Variants in CLIC5 observed in about 807,000 individuals in gnomAD.
CLIC5 encodes CLIC family member 5.
Under a neutral mutation model 24.7 loss-of-function variants are expected in CLIC5, and 20 were observed. The ratio of observed to expected loss-of-function variants is 0.81; its 90% CI spans 0.57 to 1.18. CLIC5 has a LOEUF of 1.18. CLIC5 is among the 50% of genes most tolerant of loss of function. The pLI is 0.00. For synonymous variants in CLIC5, 159 were observed against 135.6 expected, an observed-to-expected ratio of 1.17 and a Z score of -1.20; for missense variants, 341 against 326.1, an observed-to-expected ratio of 1.05 and a Z score of -0.35.
intron 1 of CLIC5, among the ~76,000 whole-genome samples, chr6:46,005,384 C>T (rs955721011): frequency 2.6e-5 from 4 of 152,216 alleles, no homozygotes; most frequent in Non-Finnish European, 4.4e-5. Context: ...AAAACTTCTA[C>T]ACACCAAAGC....
chr6:45,930,082 G>A (rs1391982715), intron 4 of CLIC5, among the ~76,000 whole-genome samples: 6 of 152,072 alleles, frequency 3.9e-5, no homozygotes, highest in Admixed American at 6.6e-5. Context: ...TTTTTTAAAC[G>A]TGGCTCACCA....
At chr6:46,122,002 T>A in the CLIC5 span, among the ~76,000 whole-genome samples, 9 of 152,126 alleles carry the variant, frequency 5.9e-5, no homozygotes, top group African/African-American at 2.2e-4. Context: ...CACCCCACTG[T>A]CAACATTAGA....
intron 2 of CLIC5, among the ~76,000 whole-genome samples, chr6:45,950,772 T>A (rs1764444409): frequency 6.6e-6 from 1 of 152,152 alleles, no homozygotes; most frequent in African/African-American, 2.4e-5. Context: ...ATAGTCTACC[T>A]TTCACAGTAT....
At chr6:46,066,847 G>A (rs1026165736) in intron 1 of CLIC5, among the ~76,000 whole-genome samples, 4 of 152,142 alleles carry the variant, frequency 2.6e-5, no homozygotes, top group Non-Finnish European at 4.4e-5. Flanking sequence ...ACCAGATGAA[G>A]GAGAGGAGAA....
chr6:46,034,267 A>G (rs1229031893), intron 1 of CLIC5, among the ~76,000 whole-genome samples: 1 of 152,248 alleles, frequency 6.6e-6, no homozygotes, highest in East Asian at 1.9e-4. Flanking sequence ...CACCAGGACT[A>G]TCTTGAAAGT....
At chr6:46,063,545 C>CAG (rs958131503) in intron 1 of CLIC5, among the ~76,000 whole-genome samples, 3 of 152,156 alleles carry the variant, frequency 2.0e-5, no homozygotes, top group East Asian at 1.9e-4. Context: ...CAGTTCCTAA[C>CAG]AGAGAGAGAG....
chr6:45,949,559 G>A (rs1304572684), intron 2 of CLIC5, among the ~76,000 whole-genome samples, 178 bp from the exon 3 acceptor site: 1 of 152,186 alleles, frequency 6.6e-6, no homozygotes, highest in East Asian at 1.9e-4. Context: ...AAAGAATGTG[G>A]TGTGACCCAG....
chr6:46,117,573 G>T, the CLIC5 span, among the ~76,000 whole-genome samples: 6 of 152,166 alleles, frequency 3.9e-5, no homozygotes, highest in African/African-American at 1.4e-4. Context: ...TGAATAAAAA[G>T]AATTCTTTTA....
intron 5 of CLIC5, among the ~76,000 whole-genome samples, chr6:45,904,539 G>A (rs1325446744): frequency 6.6e-6 from 1 of 150,734 alleles, no homozygotes; most frequent in Non-Finnish European, 1.5e-5. Context: ...CTGTGCACTA[G>A]GGCCTGCACA....
chr6:45,972,296 C>T (rs1022870670), intron 1 of CLIC5, among the ~76,000 whole-genome samples: 1 of 152,176 alleles, frequency 6.6e-6, no homozygotes, highest in African/African-American at 2.4e-5. Flanking sequence ...ATAACAGCTG[C>T]CCACCTACTT....
At chr6:45,912,208 G>A (rs1019194218) in intron 5 of CLIC5, 1 of 987,610 alleles carries the variant, frequency 1.0e-6, no homozygotes, top group Non-Finnish European at 1.2e-6. Context: ...GTGAACTTTA[G>A]AGGTTTGCCA....
At chr6:46,065,904 G>T (rs1174955540) in intron 1 of CLIC5, among the ~76,000 whole-genome samples, 2 of 152,112 alleles carry the variant, frequency 1.3e-5, no homozygotes, top group Admixed American at 1.3e-4. Context: ...GACTTTTAAT[G>T]TATGTAAATT....
chr6:45,976,656 A>G (rs1765394528), intron 1 of CLIC5, among the ~76,000 whole-genome samples: 1 of 152,224 alleles, frequency 6.6e-6, no homozygotes, highest in South Asian at 2.1e-4. Context: ...AAAATGTCAA[A>G]TAACCCCTTC....
chr6:45,955,193 A>G lies in CLIC5; in HGVS notation c.115T>C (p.Phe39Leu). The change falls in exon 2 of 6, where the codon TTC (phenylalanine) becomes CTC (leucine). Residue 39 changes from phenylalanine (F) to leucine (L), a missense_variant. Phe to Leu is a conservative substitution (Grantham distance 22). Coordinates refer to ENST00000339561, the MANE Select transcript of CLIC5 (RefSeq NM_016929.5). ...IGNCPFSQRL[F>L]MILWLKGVVF... ...ACTCCTTTCAGCCAGAGGATCATGAAGAGGCGCTGAGAGAAAGGACAGTTG... is the reference window on the plus strand; with the variant it reads ...ACTCCTTTCAGCCAGAGGATCATGAGGAGGCGCTGAGAGAAAGGACAGTTG... 1 of 1,614,060 alleles carries G rather than the reference A, an allele frequency of 6.2e-7. No individual in the cohort carries two copies. Among genetic ancestry groups the G allele is most frequent in the Non-Finnish European group, 8.5e-7 (1 of 1,179,912 alleles).
At chr6:46,067,014 T>C (rs779920372) in intron 1 of CLIC5, among the ~76,000 whole-genome samples, 12 of 152,108 alleles carry the variant, frequency 7.9e-5, no homozygotes, top group Non-Finnish European at 1.5e-4. Flanking sequence ...GGGCAGAACA[T>C]GCAAAGGCTT....
At chr6:46,090,658 T>C in the CLIC5 span, among the ~76,000 whole-genome samples, 2 of 152,250 alleles carry the variant, frequency 1.3e-5, no homozygotes, top group South Asian at 2.1e-4. Context: ...TGTGGAATAG[T>C]CAAATCAAGC....
chr6:45,891,493 G>T (rs141943996), intron 6 of CLIC5, among the ~76,000 whole-genome samples: 1 of 151,878 alleles, frequency 6.6e-6, no homozygotes, highest in Middle Eastern at 3.4e-3. Context: ...AAAATTAGCC[G>T]GGCATGGTGG....
chr6:45,931,948 C>T (rs1439422417), intron 4 of CLIC5, among the ~76,000 whole-genome samples: 2 of 152,152 alleles, frequency 1.3e-5, no homozygotes, highest in Non-Finnish European at 2.9e-5. Flanking sequence ...GTGTGTGCCA[C>T]TGTGCCCAGC....
At chr6:46,120,884 AAAG>A in the CLIC5 span, among the ~76,000 whole-genome samples, 3 of 152,236 alleles carry the variant, frequency 2.0e-5, no homozygotes, top group African/African-American at 7.2e-5. Context: ...TTTAGAGAAA[AAAG>A]AATAAAAAGA....
Sources: allele counts gnomAD v4.1 joint callset (sites outside exome capture counted in the v4.1 genomes callset), GRCh38; gene constraint gnomAD v4.1.1; transcripts MANE v1.5; gene names NCBI Gene and HGNC (gene_info 2026-07-23, HGNC 2026-07-21).